The following RNASEH2C variants were observed in gnomAD, a reference collection of about 807,000 sequenced individuals.
The protein encoded by RNASEH2C is RNase H1 small subunit.
RNASEH2C carries 20 observed loss-of-function variants against 16.3 expected under a neutral mutation model. The ratio of observed to expected loss-of-function variants is 1.23; its 90% CI spans 0.86 to 1.79. The LOEUF (loss-of-function observed/expected upper bound fraction) is 1.79, where lower values mean the gene tolerates loss of function less well. RNASEH2C is among the 40% of genes most tolerant of loss of function. The pLI is 0.00. For missense variants in RNASEH2C, 296 were observed against 235.9 expected (o/e 1.25, Z -1.67); for synonymous variants, 106 against 98.9 (o/e 1.07, Z -0.43).
chr11:65,719,205 C>T lies in RNASEH2C; in HGVS notation c.*578G>A. Reference sequence around the variant, plus strand: ...GACCAGACACTGCCCACTGCAGTGCCAAGACGGCAGCAGGACTGGGGCTGA... The same window carrying T: ...GACCAGACACTGCCCACTGCAGTGCTAAGACGGCAGCAGGACTGGGGCTGA... On this transcript the variant is annotated 3_prime_UTR_variant, in exon 4 of 4. Transcript: ENST00000308418. 2 of 1,610,868 alleles carry T rather than the reference C, an allele frequency of 1.2e-6. No individual in the cohort carries two copies. The highest frequency in any genetic ancestry group is 2.2e-5 in the East Asian group (1 of 44,874).
chr11:65,720,206 G>A, intron 2 of RNASEH2C, 36 bp downstream of exon 2: 1 of 1,614,230 alleles, frequency 6.2e-7, no homozygotes, highest in East Asian at 2.2e-5. Flanking sequence ...TACAGCTCCC[G>A]CCCGCACCCC....
Position 65,719,580 on chromosome 11 carries a change from G to C in RNASEH2C, c.*203C>G, listed in dbSNP as rs533513209. 3.0e-6 allele frequency: 2 copies of C among 660,444 alleles called. No homozygotes were observed. The highest frequency in any genetic ancestry group is 5.4e-6 in the Non-Finnish European group (2 of 373,090). The allele number at this position is 660,444 out of a possible 1,614,324, so 40.9% of individuals were successfully genotyped here. A position where few individuals can be genotyped will look rare whatever the true frequency, so the allele number is the denominator to read the frequency against. On this transcript the variant is annotated 3_prime_UTR_variant, in exon 4 of 4. Coordinates refer to ENST00000308418, the MANE Select transcript of RNASEH2C (RefSeq NM_032193.4). The stretch of plus-strand genomic sequence containing the variant: ...GGCTTCTCTTACCCCTATTGCCCCC[G>C]GCAATAAATTGTTTCTATATGCCAG...
In RNASEH2C at chr11:65,719,704, T is replaced by A; in HGVS notation, c.*79A>T. ...ACAGGTGCTGTGAAGAGCTCCTTTA[T>A]TGGGGTGATGGAATCGGTTCCAAAG... On this transcript the variant is annotated 3_prime_UTR_variant, in exon 4 of 4. Coordinates refer to ENST00000308418, the MANE Select transcript of RNASEH2C (RefSeq NM_032193.4). The A allele has an allele frequency of 6.7e-7, 1 of 1,482,520 alleles. No homozygotes were observed. Among genetic ancestry groups the A allele is most frequent in the South Asian group, 1.1e-5 (1 of 88,356 alleles). 91.8% of individuals were successfully genotyped at this position (1,482,520 alleles called of 1,614,324 possible). A position where few individuals can be genotyped will look rare whatever the true frequency, so the allele number is the denominator to read the frequency against.
At chr11:65,720,511 C>G (rs2135653690) in intron 1 of RNASEH2C, 76 bp downstream of exon 1, 1 of 1,563,852 alleles carries the variant, frequency 6.4e-7, no homozygotes, top group Non-Finnish European at 8.6e-7. Flanking sequence ...CCACGATCCC[C>G]AGGAGCCCAG....
At position 65,720,261 on chromosome 11, in the gene RNASEH2C, T is replaced by G. The variant is rs774276399; in HGVS notation, c.329A>C (p.Glu110Ala). The change falls in exon 2 of 4, where the codon GAG becomes GCG. Residue 110 changes from glutamate to alanine, a missense_variant. Glu to Ala is a moderately radical substitution (Grantham distance 107, BLOSUM62 -1). Coordinates refer to ENST00000308418, the MANE Select transcript of RNASEH2C (RefSeq NM_032193.4). ...GCTCACGAAGTCCCGCTCCAGCGGCTCCTCCTCTTGGTCGTCAGTCCCGGA... is the reference window on the plus strand; with the variant it reads ...GCTCACGAAGTCCCGCTCCAGCGGCGCCTCCTCTTGGTCGTCAGTCCCGGA... ...RDSGTDDQEE[E>A]PLERDFDRFI... The G allele has an allele frequency of 1.4e-5, 23 of 1,614,118 alleles. No individual in the cohort carries two copies. Among genetic ancestry groups the G allele is most frequent in the East Asian group, 1.1e-4 (5 of 44,890 alleles).
At chr11:65,720,554 T>C (rs1251103293) in intron 1 of RNASEH2C, 33 bp downstream of exon 1, 224 of 1,517,876 alleles carry the variant, frequency 1.5e-4, no homozygotes, top group Non-Finnish European at 1.9e-4. Context: ...GCGCGGGGGC[T>C]GCCGGGAGCC....
At position 65,719,560 on chromosome 11, in the gene RNASEH2C, C is replaced by A; in HGVS notation, c.*223G>T. On this transcript the variant is annotated 3_prime_UTR_variant, in exon 4 of 4. Transcript: ENST00000308418. ...TGCTGGCTGCAAAAATTTCTGGCTT[C>A]TCTTACCCCTATTGCCCCCGGCAAT... The A allele has an allele frequency of 1.6e-6, 1 of 635,648 alleles. No homozygotes were observed. The allele number at this position is 635,648 out of a possible 1,614,324, so 39.4% of individuals were successfully genotyped here.
In RNASEH2C at chr11:65,718,889, A is replaced by G. The variant is rs1251064240; in HGVS notation, c.*894T>C. 4 of 1,614,162 alleles carry G rather than the reference A, an allele frequency of 2.5e-6. 1 individual carries two copies. The South Asian group carries it at 4.4e-5, about 18-fold the overall frequency. The stretch of plus-strand genomic sequence containing the variant: ...CTCCCACAGTGAGATTAGTGAAATC[A>G]CCAGCATCAAGAAGGAGGATGTCAT... On this transcript the variant is annotated 3_prime_UTR_variant, in exon 4 of 4. Transcript: ENST00000308418.
At position 65,719,411 on chromosome 11, in the gene RNASEH2C, C is replaced by T; in HGVS notation, c.*372G>A. The stretch of plus-strand genomic sequence containing the variant: ...CCACAGGCCCAGGCCTCCTCTGAAG[C>T]AGGGACCAGAGGGAGCCAGGCAGCT... On this transcript the variant is annotated 3_prime_UTR_variant, in exon 4 of 4. Coordinates refer to ENST00000308418, the MANE Select transcript of RNASEH2C (RefSeq NM_032193.4). The T allele has an allele frequency of 4.9e-6, 3 of 616,362 alleles. No homozygotes were observed. The highest frequency in any genetic ancestry group is 8.5e-6 in the Non-Finnish European group (3 of 352,340). 38.2% of individuals were successfully genotyped at this position (616,362 alleles called of 1,614,324 possible). A position where few individuals can be genotyped will look rare whatever the true frequency, so the allele number is the denominator to read the frequency against.
Position 65,717,744 on chromosome 11 carries a change from C to A in RNASEH2C, c.*2039G>T. 1 of 152,794 alleles carries A rather than the reference C, an allele frequency of 6.5e-6. No homozygotes were observed. The allele number at this position is 152,794 out of a possible 1,614,324, so 9.5% of individuals were successfully genotyped here. A position where few individuals can be genotyped will look rare whatever the true frequency, so the allele number is the denominator to read the frequency against. On this transcript the variant is annotated 3_prime_UTR_variant, in exon 4 of 4. Transcript: ENST00000308418. ...GGGTCACATCCTCAGAACTTCTCAG[C>A]CTGGTAGCACAAGTGGATGCTTGAA...
In RNASEH2C at chr11:65,720,079, C is replaced by T; in HGVS notation, c.434G>A (p.Arg145His). ...ETIPGPDAKV[R>H]GALTWPSLAA... is the part of the protein sequence containing the mutation. ...AAGGCTGGGCCAAGTTAAGGCCCCA[C>T]GCACTTTGGCATCCGGGCCAGGGAT... Residue 145 changes from arginine (R) to histidine (H), a missense_variant, in exon 3 of 4, where the codon CGT (arginine) becomes CAT (histidine). Physicochemically the swap from Arg to His is conservative, Grantham distance 29 (BLOSUM62 0). Transcript: ENST00000308418. The T allele has an allele frequency of 6.2e-7, 1 of 1,614,140 alleles. No individual in the cohort carries two copies. The highest frequency in any genetic ancestry group is 8.5e-7 in the Non-Finnish European group (1 of 1,180,052).
Position 65,719,162 on chromosome 11 carries a change from G to C in RNASEH2C, c.*621C>G. The stretch of plus-strand genomic sequence containing the variant: ...CTGCACTTCACTCCCAAGGACTGGA[G>C]CAAGAGGGGGAAGTGGTGACCAGAC... On this transcript the variant is annotated 3_prime_UTR_variant, in exon 4 of 4. Transcript: ENST00000308418. 4 of 1,614,092 alleles carry C rather than the reference G, an allele frequency of 2.5e-6. No homozygotes were observed. The highest frequency in any genetic ancestry group is 3.4e-6 in the Non-Finnish European group (4 of 1,180,014).
rs1335785870 is a variant in RNASEH2C at position 65,718,738 on chromosome 11, GATCACC to G, written c.*1039_*1044del. On this transcript the variant is annotated 3_prime_UTR_variant, in exon 4 of 4. Coordinates refer to ENST00000308418, the MANE Select transcript of RNASEH2C (RefSeq NM_032193.4). ...AGTCGGAGAGCGGGGAGAGGCCACA[GATCACC>G]ATCAAGTGAGCCTGGCGCTGTCTAC... 2 of 1,614,190 alleles carry G rather than the reference GATCACC, an allele frequency of 1.2e-6. No homozygotes were observed. Among genetic ancestry groups the G allele is most frequent in the Non-Finnish European group, 1.7e-6 (2 of 1,180,028 alleles).
In RNASEH2C at chr11:65,719,125, G is replaced by A. The variant is rs199674306; in HGVS notation, c.*658C>T. The A allele has an allele frequency of 6.2e-7, 1 of 1,614,156 alleles. No individual in the cohort carries two copies. The highest frequency in any genetic ancestry group is 2.2e-5 in the East Asian group (1 of 44,882). Reference sequence around the variant, plus strand: ...CATGCTCAAGCGGCTCCTGCGGATCGACTCCAAGTGTCTGCACTTCACTCC... The same window carrying A: ...CATGCTCAAGCGGCTCCTGCGGATCAACTCCAAGTGTCTGCACTTCACTCC... On this transcript the variant is annotated 3_prime_UTR_variant, in exon 4 of 4. Coordinates refer to ENST00000308418, the MANE Select transcript of RNASEH2C (RefSeq NM_032193.4).
chr11:65,720,035 G>A lies in RNASEH2C; in HGVS notation c.468+10C>T. 6.2e-7 allele frequency: 1 copy of A among 1,612,992 alleles called. No individual in the cohort carries two copies. The highest frequency in any genetic ancestry group is 1.1e-5 in the South Asian group (1 of 91,084). The stretch of plus-strand genomic sequence containing the variant: ...ACCCGGGGGCAAGACGGAACTCCTC[G>A]TCTACTCACCGCTGCCGCAAGGCTG... On this transcript the variant is annotated intron_variant, in intron 3 of 3. Transcript: ENST00000308418.
chr11:65,720,343 C>T lies in RNASEH2C; in HGVS notation c.247G>A (p.Val83Met), dbSNP rs772757667. 4.3e-6 allele frequency: 7 copies of T among 1,614,258 alleles called. No homozygotes were observed. The South Asian group carries it at 6.6e-5, about 15-fold the overall frequency. ...ACCTTCTTCTCTTCTGTCACCATCA[C>T]GTATCCCACGAGGCCAGGCGGCACC... ...VAVPPGLVGY[V>M]MVTEEKKVSM... is the part of the protein sequence containing the mutation. The change falls in exon 2 of 4, where the codon GTG becomes ATG. Residue 83 changes from valine (V) to methionine (M), a missense_variant. Physicochemically the swap from Val to Met is conservative, Grantham distance 21. Coordinates refer to ENST00000308418, the MANE Select transcript of RNASEH2C (RefSeq NM_032193.4).
Position 65,719,354 on chromosome 11 carries a change from T to C in RNASEH2C, c.*429A>G. 1.2e-6 allele frequency: 1 copy of C among 821,958 alleles called. No homozygotes were observed. Among genetic ancestry groups the C allele is most frequent in the Non-Finnish European group, 1.9e-6 (1 of 538,950 alleles). The allele number at this position is 821,958 out of a possible 1,614,324, so 50.9% of individuals were successfully genotyped here. A position where few individuals can be genotyped will look rare whatever the true frequency, so the allele number is the denominator to read the frequency against. ...ACTGGTGCCCAGCACCAAGGCGAGC[T>C]CCGGGCTCAGACCAACTCCAAGGTC... is the stretch of plus-strand genomic sequence containing the variant. On this transcript the variant is annotated 3_prime_UTR_variant, in exon 4 of 4. Coordinates refer to ENST00000308418, the MANE Select transcript of RNASEH2C (RefSeq NM_032193.4).
In RNASEH2C at chr11:65,719,108, A is replaced by C. The variant is rs1332750183; in HGVS notation, c.*675T>G. 6.2e-7 allele frequency: 1 copy of C among 1,614,190 alleles called. No individual in the cohort carries two copies. The highest frequency in any genetic ancestry group is 2.2e-5 in the East Asian group (1 of 44,882). On this transcript the variant is annotated 3_prime_UTR_variant, in exon 4 of 4. Transcript: ENST00000308418. The stretch of plus-strand genomic sequence containing the variant: ...GATGGCCATGAGCGGGCCATGCTCA[A>C]GCGGCTCCTGCGGATCGACTCCAAG...
At position 65,719,094 on chromosome 11, in the gene RNASEH2C, G is replaced by T. The variant is rs1315769921; in HGVS notation, c.*689C>A. The T allele has an allele frequency of 6.2e-7, 1 of 1,614,186 alleles. No individual in the cohort carries two copies. The highest frequency in any genetic ancestry group is 8.5e-7 in the Non-Finnish European group (1 of 1,180,016). Reference sequence around the variant, plus strand: ...CAGAGGACATCGTGGATGGCCATGAGCGGGCCATGCTCAAGCGGCTCCTGC... The same window carrying T: ...CAGAGGACATCGTGGATGGCCATGATCGGGCCATGCTCAAGCGGCTCCTGC... On this transcript the variant is annotated 3_prime_UTR_variant, in exon 4 of 4. Coordinates refer to ENST00000308418, the MANE Select transcript of RNASEH2C (RefSeq NM_032193.4).
Sources: gnomAD v4.1 joint callset for allele counts on GRCh38, gnomAD v4.1.1 for gene constraint, MANE v1.5 for transcripts, NCBI Gene and HGNC (gene_info 2026-07-23, HGNC 2026-07-21) for gene names.